Variants in OPCML observed in about 807,000 individuals in gnomAD.
OPCML encodes opioid binding protein/cell adhesion molecule like.
OPCML carries 13 observed loss-of-function variants against 37.8 expected under a neutral mutation model. The ratio of observed to expected loss-of-function variants is 0.34; its 90% confidence interval spans 0.22 to 0.55. The LOEUF (loss-of-function observed/expected upper bound fraction) is 0.55, where lower values mean the gene tolerates loss of function less well. Ranked by LOEUF, OPCML falls within the 20% of genes least tolerant of loss-of-function variation. The pLI is 0.91. For missense variants in OPCML, 341 were observed against 435.6 expected, an observed-to-expected ratio of 0.78 and a Z score of 1.93; for synonymous variants, 176 against 168.8, an observed-to-expected ratio of 1.04 and a Z score of -0.33.
chr11:132,624,776 C>T (rs966191139), intron 3 of OPCML, among the ~76,000 whole-genome samples: 22 of 152,142 alleles, frequency 1.4e-4, no homozygotes, highest in Admixed American at 7.2e-4. Flanking sequence ...TCATGCTTTA[C>T]GTGTCCGAAA....
rs1008331201 is a variant in OPCML at position 133,155,073 on chromosome 11, T to G, written c.62-212063A>C. On this transcript the variant is annotated intron_variant, in intron 1 of 7. Coordinates refer to ENST00000524381, the MANE Select transcript of OPCML (RefSeq NM_001012393.5). ...TACTTGAGGGGAAATTCACCTCTTA[T>G]GCTACTGGGAAGGTCTCTTAATGCC... 2.3e-4 allele frequency among the ~76,000 whole-genome samples: 35 copies of G among 152,146 alleles called. 1 individual carries two copies. Among genetic ancestry groups the G allele is most frequent in the Admixed American group, 2.2e-3 (34 of 15,270 alleles).
intron 2 of OPCML, among the ~76,000 whole-genome samples, chr11:132,709,548 C>A (rs1331405412): frequency 6.6e-6 from 1 of 152,196 alleles, no homozygotes; most frequent in African/African-American, 2.4e-5. Context: ...GTGTCTTGGA[C>A]TTTCCTAGTC....
Position 133,002,700 on chromosome 11 carries a change from G to T in OPCML, c.62-59690C>A, listed in dbSNP as rs1565392076. Reference sequence around the variant, plus strand: ...TTTTCTATAGATAATATATGTGTGGGTGTGAATGTGTATAGGGAGAAAGAG... The same window carrying T: ...TTTTCTATAGATAATATATGTGTGGTTGTGAATGTGTATAGGGAGAAAGAG... On this transcript the variant is annotated intron_variant, in intron 1 of 7. Transcript: ENST00000524381. Among the ~76,000 whole-genome samples the T allele has an allele frequency of 7.9e-5, 12 of 151,784 alleles. No individual in the cohort carries two copies. The South Asian group carries it at 2.5e-3, about 32-fold the overall frequency.
chr11:133,186,938 G>A lies in OPCML; in HGVS notation c.62-243928C>T, dbSNP rs146743163. Among the ~76,000 whole-genome samples the A allele has an allele frequency of 4.0e-3, 602 of 152,248 alleles. 4 individuals are homozygous for A. Among genetic ancestry groups the A allele is most frequent in the African/African-American group, 0.014 (581 of 41,548 alleles). ...AGAAGCCTGGAACAGGGTGAGTCTGGTTGGCGTAGGAGGGAGGTCAAAGAG... is the reference window on the plus strand; with the variant it reads ...AGAAGCCTGGAACAGGGTGAGTCTGATTGGCGTAGGAGGGAGGTCAAAGAG... On this transcript the variant is annotated intron_variant, in intron 1 of 7. Transcript: ENST00000524381.
Position 133,505,169 on chromosome 11 carries a change from C to A in OPCML, c.61+27095G>T, listed in dbSNP as rs546599885. On this transcript the variant is annotated intron_variant, in intron 1 of 7. Coordinates refer to ENST00000524381, the MANE Select transcript of OPCML (RefSeq NM_001012393.5). The stretch of plus-strand genomic sequence containing the variant: ...TCTCTAGGAAAATAGGAACGTAACA[C>A]CATCTTTTTCAAGTATCTGTTAATA... Among the ~76,000 whole-genome samples, 13 of 152,328 alleles carry A rather than the reference C, an allele frequency of 8.5e-5. No individual in the cohort carries two copies. In the South Asian group the frequency reaches 2.7e-3, roughly 32 times the overall value.
intron 2 of OPCML, among the ~76,000 whole-genome samples, chr11:132,707,460 C>A (rs980145777): frequency 6.6e-6 from 1 of 152,178 alleles, no homozygotes; most frequent in Non-Finnish European, 1.5e-5. Flanking sequence ...GGTCCAGGAT[C>A]CTATGGAACA....
intron 7 of OPCML, among the ~76,000 whole-genome samples, chr11:132,422,969 T>C (rs1359689222): frequency 6.6e-6 from 1 of 152,194 alleles, no homozygotes; most frequent in East Asian, 1.9e-4. Context: ...GCATTGCAAA[T>C]TGAGAAGAGA....
chr11:132,602,124 C>G (rs924688744), intron 3 of OPCML, among the ~76,000 whole-genome samples: 1 of 152,140 alleles, frequency 6.6e-6, no homozygotes, highest in Non-Finnish European at 1.5e-5. Flanking sequence ...CAGAGACACA[C>G]ATCGCAGCAG....
intron 2 of OPCML, among the ~76,000 whole-genome samples, chr11:132,837,206 C>T (rs1941059863): frequency 1.3e-5 from 2 of 152,022 alleles, no homozygotes; most frequent in African/African-American, 2.4e-5. Flanking sequence ...TACAGCTACT[C>T]GGGAGGCTGA....
chr11:133,214,268 T>A (rs1301226755), intron 1 of OPCML, among the ~76,000 whole-genome samples: 1 of 152,214 alleles, frequency 6.6e-6, no homozygotes, highest in Non-Finnish European at 1.5e-5. Context: ...TTTTTGTCGA[T>A]ATCTATCTAA....
chr11:133,080,349 C>G (rs1948691876), intron 1 of OPCML, among the ~76,000 whole-genome samples: 1 of 152,284 alleles, frequency 6.6e-6, no homozygotes, highest in African/African-American at 2.4e-5. Context: ...CATGACACTA[C>G]TGCGGCCGGT....
chr11:132,442,464 T>C (rs1458262753), intron 4 of OPCML, among the ~76,000 whole-genome samples: 1 of 152,228 alleles, frequency 6.6e-6, no homozygotes, highest in African/African-American at 2.4e-5. Context: ...CTTAGAGTTA[T>C]AAAGTTAAAA....
chr11:132,505,292 C>T (rs1048159804), intron 4 of OPCML, among the ~76,000 whole-genome samples: 4 of 152,022 alleles, frequency 2.6e-5, no homozygotes, highest in Non-Finnish European at 4.4e-5. Flanking sequence ...CCAGGAAGAC[C>T]GTGCTTTAAT....
intron 2 of OPCML, among the ~76,000 whole-genome samples, chr11:132,724,865 G>A (rs558269306): frequency 2.0e-5 from 3 of 152,318 alleles, no homozygotes; most frequent in South Asian, 4.1e-4. Context: ...GCTCCAAAAT[G>A]ATCTCCTTTG....
At chr11:133,368,754 T>C (rs1388273535) in intron 1 of OPCML, among the ~76,000 whole-genome samples, 1 of 152,192 alleles carries the variant, frequency 6.6e-6, no homozygotes, top group African/African-American at 2.4e-5. Context: ...AGGAAACTCA[T>C]TCTGAAAATA....
rs185220372 is a variant in OPCML at position 133,458,101 on chromosome 11, G to A, written c.61+74163C>T. The stretch of plus-strand genomic sequence containing the variant: ...GCAGAGGTTGCAGTGAGCCAAGATC[G>A]TACCATTGCACTCCAGCCTGGGCAA... On this transcript the variant is annotated intron_variant, in intron 1 of 7. Transcript: ENST00000524381. 8.6e-4 allele frequency among the ~76,000 whole-genome samples: 131 copies of A among 151,566 alleles called. 2 individuals are homozygous for A. In the South Asian group the frequency reaches 0.01, roughly 12 times the overall value.
At chr11:133,017,084 G>T (rs1947348036) in intron 1 of OPCML, among the ~76,000 whole-genome samples, 1 of 152,156 alleles carries the variant, frequency 6.6e-6, no homozygotes, top group South Asian at 2.1e-4. Context: ...CTGCAGGGTT[G>T]GATTCTTGGT....
intron 1 of OPCML, among the ~76,000 whole-genome samples, chr11:133,013,203 AT>A (rs1263545761): frequency 6.6e-6 from 1 of 152,172 alleles, no homozygotes; most frequent in Non-Finnish European, 1.5e-5. Flanking sequence ...AAGGCAGTTC[AT>A]TTTTTCCAGG....
intron 1 of OPCML, among the ~76,000 whole-genome samples, chr11:133,419,836 T>C (rs1326223684): frequency 6.6e-6 from 1 of 152,256 alleles, no homozygotes; most frequent in Admixed American, 6.5e-5. Flanking sequence ...GAAATATTGT[T>C]TGACTATTCA....
Sources: allele counts gnomAD v4.1 joint callset (sites outside exome capture counted in the v4.1 genomes callset), GRCh38; gene constraint gnomAD v4.1.1; transcripts MANE v1.5; gene names NCBI Gene and HGNC (gene_info 2026-07-23, HGNC 2026-07-21).